Variants in DNAH7 observed in about 807,000 individuals in gnomAD.
The protein encoded by DNAH7 is axonemal beta dynein heavy chain 7.
In DNAH7, 397 loss-of-function variants were observed where a neutral mutation model predicts 444.6. The observed-to-expected ratio is 0.89, with a 90% CI of 0.82 to 0.97. The LOEUF is 0.97. DNAH7 is among the 50% of genes least tolerant of loss of function. The probability of loss-of-function intolerance (pLI) is 0.00; values close to 1 mark genes in which losing one functional copy is unlikely to be tolerated. For missense variants in DNAH7, 4,902 were observed against 4,800.8 expected, an observed-to-expected ratio of 1.02 and a Z score of -0.62; for synonymous variants, 1,636 against 1,624.4, an observed-to-expected ratio of 1.01 and a Z score of -0.17.
intron 19 of DNAH7, among the ~76,000 whole-genome samples, chr2:195,954,365 A>T (rs921453595): frequency 6.6e-5 from 10 of 152,006 alleles, no homozygotes; most frequent in East Asian, 1.9e-4. Flanking sequence ...ACTCATCCTT[A>T]TTTATGGCTG....
At chr2:195,900,662 G>T (rs1686647802) in intron 27 of DNAH7, 168 bp from the exon 28 acceptor site, 1 of 594,164 alleles carries the variant, frequency 1.7e-6, no homozygotes, top group South Asian at 2.3e-5. Context: ...GTGAGGTGGG[G>T]CAATGGGGAG....
At position 195,844,874 on chromosome 2, in the gene DNAH7, T is replaced by G. The variant is rs549875039; in HGVS notation, c.8945+128A>C. On this transcript the variant is annotated intron_variant, in intron 47 of 64. Transcript: ENST00000312428. ...AGAGAAGGAAGTGATTACTCATACT[T>G]AATTTCACTAATTAGTTAAGTAATT... 1.3e-4 allele frequency: 95 copies of G among 737,098 alleles called. No individual in the cohort carries two copies. In the African/African-American group the frequency reaches 1.6e-3, roughly 12 times the overall value. 45.7% of individuals were successfully genotyped at this position (737,098 alleles called of 1,614,324 possible). A position where few individuals can be genotyped will look rare whatever the true frequency, so the allele number is the denominator to read the frequency against.
At chr2:196,023,268 G>A (rs776993151) in intron 8 of DNAH7, among the ~76,000 whole-genome samples, 1 of 152,192 alleles carries the variant, frequency 6.6e-6, no homozygotes, top group Non-Finnish European at 1.5e-5. Flanking sequence ...CTTCTGCCAT[G>A]ATTGTAAGCT....
chr2:196,050,868 C>A (rs1697422571), intron 3 of DNAH7, among the ~76,000 whole-genome samples: 1 of 152,220 alleles, frequency 6.6e-6, no homozygotes, highest in African/African-American at 2.4e-5. Flanking sequence ...AGTGACTCCC[C>A]AAAGGGCACA....
chr2:196,055,701 T>C (rs1255505225), intron 2 of DNAH7, among the ~76,000 whole-genome samples: 1 of 152,220 alleles, frequency 6.6e-6, no homozygotes, highest in African/African-American at 2.4e-5. Context: ...GGAATGGCTC[T>C]GGGATGTCTA....
intron 63 of DNAH7, among the ~76,000 whole-genome samples, chr2:195,750,713 G>A (rs1319873834): frequency 6.6e-6 from 1 of 152,114 alleles, no homozygotes; most frequent in Admixed American, 6.6e-5. Flanking sequence ...CTTGTCTAAT[G>A]GTGATAATAG....
rs763355791 is a variant in DNAH7, at chr2:195,886,222, T to A, written c.5457A>T (p.Leu1819=). Residue 1819 remains leucine, a synonymous_variant, in exon 34 of 65, where the codon CTA becomes CTT. Transcript: ENST00000312428. The part of the protein sequence containing the change: ...DTNLVRSLMN[L]IDCFMDDFAD... ...CAAAATCATCCATAAAACAGTCTAT[T>A]AGATTCATTAAGGACCGGACCAAGT... The A allele has an allele frequency of 1.2e-6, 2 of 1,613,896 alleles. No individual in the cohort carries two copies. Among genetic ancestry groups the A allele is most frequent in the East Asian group, 2.2e-5 (1 of 44,866 alleles).
In DNAH7 at chr2:195,864,843, C is replaced by T; in HGVS notation, c.6812G>A (p.Cys2271Tyr). 6.2e-7 allele frequency: 1 copy of T among 1,614,150 alleles called. No individual in the cohort carries two copies. Among genetic ancestry groups the T allele is most frequent in the East Asian group, 2.2e-5 (1 of 44,880 alleles). The stretch of plus-strand genomic sequence containing the variant: ...CTCCCTCTTGGGATCATGGAAATCA[C>T]AAAACATTAAGCTGCGTAAGTCATC... ...EADDLRSLMF[C>Y]DFHDPKREDT... Residue 2271 changes from cysteine to tyrosine, a missense_variant, in exon 41 of 65, where the codon TGT becomes TAT. Cys to Tyr is a radical substitution (Grantham distance 194). Transcript: ENST00000312428.
intron 51 of DNAH7, among the ~76,000 whole-genome samples, chr2:195,813,597 C>T (rs2124876078): frequency 1.3e-5 from 2 of 152,294 alleles, no homozygotes; most frequent in South Asian, 4.1e-4. Flanking sequence ...TTTGCTAACA[C>T]AGATGGTCAC....
intron 63 of DNAH7, among the ~76,000 whole-genome samples, chr2:195,742,997 G>A (rs1460182425): frequency 6.6e-6 from 1 of 152,202 alleles, no homozygotes; most frequent in Non-Finnish European, 1.5e-5. Context: ...CAGTGTGGGT[G>A]GACACCATCT....
At chr2:196,050,509 T>A (rs1045121992) in intron 3 of DNAH7, among the ~76,000 whole-genome samples, 2 of 152,224 alleles carry the variant, frequency 1.3e-5, no homozygotes, top group East Asian at 3.8e-4. Flanking sequence ...ATGTATATTT[T>A]ATCAATTTTT....
At chr2:196,022,423 G>C (rs550800764) in intron 8 of DNAH7, among the ~76,000 whole-genome samples, 1 of 152,304 alleles carries the variant, frequency 6.6e-6, no homozygotes, top group South Asian at 2.1e-4. Flanking sequence ...CTCTGATGCT[G>C]CCTTATCAAC....
intron 5 of DNAH7, among the ~76,000 whole-genome samples, chr2:196,031,497 T>C (rs929885684): frequency 3.3e-5 from 5 of 152,126 alleles, no homozygotes; most frequent in African/African-American, 9.7e-5. Flanking sequence ...GAAAATAAGA[T>C]TTTTTTTCCT....
At chr2:195,961,987 C>T (rs953337250) in intron 17 of DNAH7, among the ~76,000 whole-genome samples, 3 of 152,038 alleles carry the variant, frequency 2.0e-5, no homozygotes. Context: ...AATGCTAACA[C>T]CCAGAGTTGA....
intron 54 of DNAH7, among the ~76,000 whole-genome samples, chr2:195,803,435 C>T (rs1265484687): frequency 1.3e-5 from 2 of 152,210 alleles, no homozygotes; most frequent in East Asian, 1.9e-4. Context: ...CAGTGTTTCA[C>T]TCTTAATGTC....
At chr2:195,847,846 T>C (rs1699102924) in intron 46 of DNAH7, among the ~76,000 whole-genome samples, 1 of 152,128 alleles carries the variant, frequency 6.6e-6, no homozygotes, top group Non-Finnish European at 1.5e-5. Flanking sequence ...CGGCAGGGCA[T>C]TTCAGTGCCA....
intron 2 of DNAH7, among the ~76,000 whole-genome samples, chr2:196,057,823 C>T (rs1575119040): frequency 1.3e-5 from 2 of 152,318 alleles, no homozygotes; most frequent in East Asian, 3.8e-4. Context: ...TAAAATCTAA[C>T]CTGGACCCAA....
intron 28 of DNAH7, 60 bp downstream of exon 28, chr2:195,900,222 C>T: frequency 6.5e-7 from 1 of 1,532,294 alleles, no homozygotes; most frequent in Non-Finnish European, 9.0e-7. Context: ...CTCTGAAGAC[C>T]CATTAGGCTG....
At chr2:195,747,952 C>T (rs1019139376) in intron 63 of DNAH7, among the ~76,000 whole-genome samples, 2 of 152,126 alleles carry the variant, frequency 1.3e-5, no homozygotes, top group African/African-American at 2.4e-5. Context: ...TCTCACCACT[C>T]GTATTCAACA....
Sources: gnomAD v4.1 joint callset for allele counts (sites outside exome capture counted in the v4.1 genomes callset) on GRCh38, gnomAD v4.1.1 for gene constraint, MANE v1.5 for transcripts, NCBI Gene and HGNC (gene_info 2026-07-23, HGNC 2026-07-21) for gene names.